COG5: variants seen among roughly 807,000 people sequenced by gnomAD.
COG5 encodes component of oligomeric golgi complex 5, also known as conserved oligomeric Golgi complex subunit 5.
COG5 carries 86 observed loss-of-function variants against 110.4 expected under a neutral mutation model. The observed-to-expected ratio is 0.78, with a 90% confidence interval of 0.65 to 0.93. The LOEUF is 0.93. COG5 is among the 40% of genes least tolerant of loss of function. The pLI, the probability that COG5 is intolerant of heterozygous loss-of-function variation, is 0.00. For missense variants in COG5, 1,077 were observed against 987.0 expected (o/e 1.09, Z -1.22); for synonymous variants, 360 against 334.6 (o/e 1.08, Z -0.83).
chr7:107,530,619 A>AC (rs1801134940), intron 5 of COG5, among the ~76,000 whole-genome samples: 4 of 151,400 alleles, frequency 2.6e-5, no homozygotes, highest in East Asian at 3.9e-4. Flanking sequence ...AAAAAAAAAA[A>AC]AAAAAAACAC....
chr7:107,519,402 A>G (rs1404831966), intron 6 of COG5, among the ~76,000 whole-genome samples: 1 of 152,132 alleles, frequency 6.6e-6, no homozygotes, highest in East Asian at 1.9e-4. Context: ...AGCATTAGCT[A>G]GACTAATAAA....
rs1798516277 is a variant in COG5 at position 107,203,549 on chromosome 7, C to CCATAA, written c.2456_2457insTTATG (p.Gln819HisfsTer26). On this transcript the variant is annotated frameshift_variant, in exon 22 of 22. Coordinates refer to ENST00000297135, the MANE Select transcript of COG5 (RefSeq NM_006348.5). LOFTEE classifies it high-confidence loss of function. ...GAGCAGACATAGCCTTTTGAAGCAGCTGAACCATTATGGGATAAACTGGTG... is the reference window on the plus strand; with the variant it reads ...GAGCAGACATAGCCTTTTGAAGCAGCCATAATGAACCATTATGGGATAAACTGGTG... 3 of 1,613,882 alleles carry CCATAA rather than the reference C, an allele frequency of 1.9e-6. No individual in the cohort carries two copies. In the East Asian group the frequency reaches 6.7e-5, roughly 36 times the overall value.
chr7:107,541,905 G>C (rs1368139392), intron 5 of COG5, among the ~76,000 whole-genome samples: 1 of 150,526 alleles, frequency 6.6e-6, no homozygotes, highest in East Asian at 1.9e-4. Flanking sequence ...ACTCCAGCCT[G>C]GGCAACAGAG....
intron 6 of COG5, among the ~76,000 whole-genome samples, chr7:107,459,659 T>G (rs67982599): frequency 0.28 from 42,811 of 151,608 alleles, 6,076 homozygotes; most frequent in East Asian, 0.33. Context: ...AGCCAGGTAC[T>G]GTGGTACACA....
At chr7:107,276,459 C>T (rs758748481) in intron 14 of COG5, among the ~76,000 whole-genome samples, 9 of 152,102 alleles carry the variant, frequency 5.9e-5, no homozygotes, top group Non-Finnish European at 1.2e-4. Context: ...CATTTGAGCC[C>T]AGGAGTTCGA....
chr7:107,416,339 T>C (rs1792844798), intron 6 of COG5, among the ~76,000 whole-genome samples: 1 of 152,040 alleles, frequency 6.6e-6, no homozygotes, highest in South Asian at 2.1e-4. Flanking sequence ...GTACATATGG[T>C]ATAAATATCA....
chr7:107,412,504 G>T lies in COG5; in HGVS notation c.667C>A (p.Gln223Lys), dbSNP rs1442664820. The T allele has an allele frequency of 1.2e-6, 2 of 1,612,186 alleles. No individual in the cohort carries two copies. Among genetic ancestry groups the T allele is most frequent in the Admixed American group, 1.7e-5 (1 of 59,950 alleles). The change falls in exon 7 of 22, where the codon CAG (glutamine) becomes AAG (lysine). Residue 223 changes from glutamine (Q) to lysine (K), a missense_variant and splice_region_variant. Transcript: ENST00000297135. ...AAAAACAGTCTTATTTTTATTACCTGAGTCTCCAAACCCTGCTCTAGTAGG... is the reference window on the plus strand; with the variant it reads ...AAAAACAGTCTTATTTTTATTACCTTAGTCTCCAAACCCTGCTCTAGTAGG... ...KRLLEQGLET[Q>K]NPTQVGTALQ... is the part of the protein sequence containing the mutation.
intron 5 of COG5, among the ~76,000 whole-genome samples, chr7:107,539,498 A>T (rs1801824053): frequency 6.6e-6 from 1 of 152,208 alleles, no homozygotes; most frequent in Non-Finnish European, 1.5e-5. Flanking sequence ...AAATCCAAAA[A>T]GGAAGACTGC....
Position 107,352,208 on chromosome 7 carries a change from G to A in COG5, c.1026+9825C>T, listed in dbSNP as rs1812211841. ...ATCATTCTCAGCAAACTATCTCAAG[G>A]ACAAAAAACCAAACACCGCATGTTC... On this transcript the variant is annotated intron_variant, in intron 10 of 21. Coordinates refer to ENST00000297135, the MANE Select transcript of COG5 (RefSeq NM_006348.5). Among the ~76,000 whole-genome samples the A allele has an allele frequency of 2.1e-5, 3 of 145,970 alleles. No individual in the cohort carries two copies. The South Asian group carries it at 6.5e-4, about 32-fold the overall frequency.
chr7:107,224,129 G>A lies in COG5; in HGVS notation c.2168+6486C>T, dbSNP rs28417602. On this transcript the variant is annotated intron_variant, in intron 19 of 21. Transcript: ENST00000297135. ...AGAATCCCGAAACCTCAGAGAAACC[G>A]TTATTTCAAGGGATGGGTTAAGGGC... Among the ~76,000 whole-genome samples the A allele has an allele frequency of 3.3e-3, 501 of 152,220 alleles. 3 individuals carry two copies. The highest frequency in any genetic ancestry group is 0.011 in the African/African-American group (470 of 41,526).
chr7:107,539,152 G>C (rs1280075966), intron 5 of COG5, among the ~76,000 whole-genome samples: 1 of 152,090 alleles, frequency 6.6e-6, no homozygotes, highest in Non-Finnish European at 1.5e-5. Flanking sequence ...GCTGGGCATG[G>C]TGGTGCGTGC....
chr7:107,402,678 A>G lies in COG5; in HGVS notation c.669+9824T>C, dbSNP rs112214784. Among the ~76,000 whole-genome samples, 28 of 152,332 alleles carry G rather than the reference A, an allele frequency of 1.8e-4. 1 individual carries two copies. Among genetic ancestry groups the G allele is most frequent in the African/African-American group, 6.3e-4 (26 of 41,574 alleles). On this transcript the variant is annotated intron_variant, in intron 7 of 21. Transcript: ENST00000297135. Reference sequence around the variant, plus strand: ...TCTGTCAGTGAAAGATTGTATGGTGAGTAGAAAAGAGAGAAATGGGAACCA... The same window carrying G: ...TCTGTCAGTGAAAGATTGTATGGTGGGTAGAAAAGAGAGAAATGGGAACCA...
intron 7 of COG5, among the ~76,000 whole-genome samples, chr7:107,407,368 G>A (rs749853949): frequency 7.9e-5 from 12 of 152,002 alleles, no homozygotes; most frequent in East Asian, 1.9e-4. Context: ...GGCAACAAGC[G>A]CAAAACTCCA....
intron 11 of COG5, among the ~76,000 whole-genome samples, chr7:107,300,990 G>C (rs1310732643): frequency 1.3e-5 from 2 of 152,048 alleles, no homozygotes; most frequent in African/African-American, 4.8e-5. Context: ...TACAAAAATA[G>C]ACCCACACAT....
At chr7:107,432,123 A>G (rs1794066278) in intron 6 of COG5, among the ~76,000 whole-genome samples, 3 of 152,210 alleles carry the variant, frequency 2.0e-5, no homozygotes, top group Admixed American at 2.0e-4. Flanking sequence ...AGTTTCAACA[A>G]TTACCATCAT....
chr7:107,238,460 A>G (rs1801368580), intron 17 of COG5, among the ~76,000 whole-genome samples: 1 of 148,760 alleles, frequency 6.7e-6, no homozygotes. Context: ...TGCAATGAAC[A>G]TGGAAGTGCG....
At chr7:107,554,652 G>A (rs528388141) in intron 2 of COG5, among the ~76,000 whole-genome samples, 1 of 152,210 alleles carries the variant, frequency 6.6e-6, no homozygotes, top group South Asian at 2.1e-4. Flanking sequence ...TCACAGTTCT[G>A]GGGTTTGGGA....
chr7:107,342,533 C>T (rs1811255986), intron 10 of COG5, among the ~76,000 whole-genome samples: 1 of 151,968 alleles, frequency 6.6e-6, no homozygotes, highest in South Asian at 2.1e-4. Flanking sequence ...CAAAAATTAG[C>T]TGGGCATGGT....
At chr7:107,417,415 A>C (rs528351150) in intron 6 of COG5, among the ~76,000 whole-genome samples, 8 of 152,256 alleles carry the variant, frequency 5.3e-5, no homozygotes, top group South Asian at 2.1e-4. Flanking sequence ...TAAAAATATC[A>C]ATTTTTGACA....
Sources: allele counts gnomAD v4.1 joint callset (sites outside exome capture counted in the v4.1 genomes callset), GRCh38; gene constraint gnomAD v4.1.1; transcripts MANE v1.5; gene names NCBI Gene and HGNC (gene_info 2026-07-23, HGNC 2026-07-21).